The following PCLO variants were observed in gnomAD, a reference collection of about 807,000 sequenced individuals.
PCLO encodes protein piccolo.
In PCLO, 82 loss-of-function variants were observed where a neutral mutation model predicts 427.5. That is an observed-to-expected ratio of 0.19 (90% confidence interval 0.16 to 0.23). The LOEUF (loss-of-function observed/expected upper bound fraction) is 0.23. Ranked by LOEUF, PCLO falls within the 10% of genes least tolerant of loss-of-function variation. PCLO has a pLI of 1.00. For missense variants in PCLO, 6,239 were observed against 6,115.9 expected (o/e 1.02, Z -0.67); for synonymous variants, 2,357 against 2,155.4 (o/e 1.09, Z -2.59).
In PCLO at chr7:82,822,481, T is replaced by A; in HGVS notation, c.14791+14A>T. 6.2e-7 allele frequency: 1 copy of A among 1,613,884 alleles called. No homozygotes were observed. The highest frequency in any genetic ancestry group is 2.2e-5 in the East Asian group (1 of 44,868). On this transcript the variant is annotated intron_variant, in intron 20 of 24. Transcript: ENST00000333891. ...TTAAGCTGCCATGCTGAGGAATTTA[T>A]TTGCGTCTTTTACTTGGTTGAATGC...
At chr7:83,147,821 T>TACC (rs1301088408) in intron 2 of PCLO, among the ~76,000 whole-genome samples, 6 of 152,182 alleles carry the variant, frequency 3.9e-5, no homozygotes, top group Non-Finnish European at 8.8e-5. Flanking sequence ...CCTCCCTCAC[T>TACC]ACCACCAAGC....
intron 3 of PCLO, among the ~76,000 whole-genome samples, chr7:83,081,238 C>T (rs2116398108): frequency 6.6e-6 from 1 of 152,032 alleles, no homozygotes; most frequent in South Asian, 2.1e-4. Flanking sequence ...CTTTGTACTA[C>T]AAGACCAGGA....
At chr7:82,793,785 C>T (rs1264963788) in intron 22 of PCLO, among the ~76,000 whole-genome samples, 5 of 152,166 alleles carry the variant, frequency 3.3e-5, no homozygotes, top group African/African-American at 1.2e-4. Flanking sequence ...CTTATCTCAT[C>T]ATGGAAGTCC....
At chr7:83,107,713 A>ATAAAAAGAAAGAACTGGCTG (rs141451890) in intron 3 of PCLO, among the ~76,000 whole-genome samples, 8 of 126,868 alleles carry the variant, frequency 6.3e-5, no homozygotes, top group African/African-American at 1.2e-4. Context: ...AGAAGAGAAT[A>ATAAAAAGAAAGAACTGGCTG]TGTGCGGTGG....
chr7:82,805,868 A>G (rs1791448260), intron 20 of PCLO, 39 bp from the exon 21 acceptor site: 2 of 1,566,640 alleles, frequency 1.3e-6, no homozygotes, highest in African/African-American at 2.7e-5. Flanking sequence ...CAGTCAATAA[A>G]TGAAGCTGAC....
chr7:83,111,987 A>G (rs992888178), intron 3 of PCLO, among the ~76,000 whole-genome samples: 1 of 152,224 alleles, frequency 6.6e-6, no homozygotes, highest in African/African-American at 2.4e-5. Context: ...AAGTATATTT[A>G]TAATTTCACT....
chr7:83,102,044 T>G (rs993814921), intron 3 of PCLO, among the ~76,000 whole-genome samples: 2 of 151,946 alleles, frequency 1.3e-5, no homozygotes, highest in Non-Finnish European at 2.9e-5. Flanking sequence ...TTTGTTAGAG[T>G]TGAAAAATTG....
chr7:83,141,172 C>T (rs1021081477), intron 2 of PCLO, among the ~76,000 whole-genome samples: 1 of 152,126 alleles, frequency 6.6e-6, no homozygotes, highest in Non-Finnish European at 1.5e-5. Context: ...ATCCATTTGA[C>T]AAATGGTGGG....
intron 3 of PCLO, among the ~76,000 whole-genome samples, chr7:83,043,213 A>G (rs1789014979): frequency 6.6e-6 from 1 of 152,172 alleles, no homozygotes; most frequent in Non-Finnish European, 1.5e-5. Flanking sequence ...CTGCTTTAAC[A>G]TTAGCGAAGC....
chr7:83,128,616 A>G (rs1211320776), intron 3 of PCLO, among the ~76,000 whole-genome samples: 1 of 152,172 alleles, frequency 6.6e-6, no homozygotes, highest in African/African-American at 2.4e-5. Context: ...CAAAAAAAAG[A>G]CTATACAGAA....
chr7:83,122,576 G>A (rs1791316077), intron 3 of PCLO, among the ~76,000 whole-genome samples: 1 of 152,108 alleles, frequency 6.6e-6, no homozygotes, highest in Admixed American at 6.5e-5. Flanking sequence ...GTGAGCCACT[G>A]CGCCTGGCCT....
chr7:82,902,142 G>C (rs1201410748), intron 9 of PCLO, among the ~76,000 whole-genome samples: 52 of 151,822 alleles, frequency 3.4e-4, no homozygotes, highest in Middle Eastern at 3.4e-3. Context: ...TTTATTGCGG[G>C]ACTATTCACA....
intron 17 of PCLO, among the ~76,000 whole-genome samples, chr7:82,827,000 T>C (rs1791961730): frequency 6.6e-6 from 1 of 152,040 alleles, no homozygotes; most frequent in Non-Finnish European, 1.5e-5. Context: ...TGCAAAAATG[T>C]CTAGTATTAT....
At chr7:83,040,477 G>A (rs1348869998) in intron 3 of PCLO, among the ~76,000 whole-genome samples, 5 of 151,990 alleles carry the variant, frequency 3.3e-5, no homozygotes, top group African/African-American at 4.8e-5. Context: ...AAATTGTTTC[G>A]CAGGCTAATC....
chr7:83,070,828 C>CAA (rs1244963597), intron 3 of PCLO, among the ~76,000 whole-genome samples: 2 of 152,244 alleles, frequency 1.3e-5, no homozygotes, highest in Non-Finnish European at 2.9e-5. Context: ...GTTGTGGACT[C>CAA]AGCCATTTCA....
Position 82,826,592 on chromosome 7 carries a change from C to A in PCLO, c.14412G>T (p.Gly4804=). 6.2e-7 allele frequency: 1 copy of A among 1,600,714 alleles called. No individual in the cohort carries two copies. The highest frequency in any genetic ancestry group is 1.1e-5 in the South Asian group (1 of 89,834). ...GGAAAGGAAGTCAGAGGCTTACCTC[C>A]CCAAGGAAGTCGTTGGATGAAAATC... ...YDRFSSNDFL[G]EVLIDLSSTS... Residue 4804 remains glycine, a synonymous_variant, in exon 18 of 25, where the codon GGG becomes GGT. Coordinates refer to ENST00000333891, the MANE Select transcript of PCLO (RefSeq NM_033026.6).
chr7:82,899,783 TA>T (rs1334106022), intron 9 of PCLO, among the ~76,000 whole-genome samples: 1 of 151,524 alleles, frequency 6.6e-6, no homozygotes, highest in African/African-American at 2.4e-5. Flanking sequence ...TGTTTCTAGT[TA>T]AAGTAAAATA....
intron 3 of PCLO, among the ~76,000 whole-genome samples, chr7:82,999,432 T>C (rs1787724428): frequency 8.2e-6 from 1 of 121,346 alleles, no homozygotes. Flanking sequence ...TTATATATTT[T>C]ATTATATATT....
intron 20 of PCLO, among the ~76,000 whole-genome samples, chr7:82,813,694 G>T (rs1791619021): frequency 6.6e-6 from 1 of 151,680 alleles, no homozygotes; most frequent in South Asian, 2.1e-4. Context: ...GAGGTTCTGT[G>T]ACATTATTTG....
Sources: allele counts gnomAD v4.1 joint callset (sites outside exome capture counted in the v4.1 genomes callset), GRCh38; gene constraint gnomAD v4.1.1; transcripts MANE v1.5; gene names NCBI Gene and HGNC (gene_info 2026-07-23, HGNC 2026-07-21).